The following OGA variants were observed in gnomAD, a reference collection of about 807,000 sequenced individuals.
OGA encodes the protein O-GlcNAcase, also known as protein O-GlcNAcase.
A neutral mutation model predicts 102.0 loss-of-function variants in OGA; 21 were observed. The observed-to-expected ratio is 0.21, with a 90% CI of 0.15 to 0.30. OGA has a LOEUF of 0.30. OGA is among the 10% of genes least tolerant of loss of function. The probability of loss-of-function intolerance (pLI) is 1.00; values close to 1 mark genes in which losing one functional copy is unlikely to be tolerated. For missense variants in OGA, 765 were observed against 1,107.8 expected, an observed-to-expected ratio of 0.69 and a Z score of 4.39; for synonymous variants, 408 against 378.2, an observed-to-expected ratio of 1.08 and a Z score of -0.91.
intron 1 of OGA, among the ~76,000 whole-genome samples, chr10:101,815,563 C>T (rs970488629): frequency 3.9e-5 from 6 of 151,992 alleles, no homozygotes; most frequent in African/African-American, 1.5e-4. Context: ...GGATTACAGG[C>T]GTGAGCCACC....
At chr10:101,788,563 C>T (rs1203737214) in intron 14 of OGA, among the ~76,000 whole-genome samples, 2 of 151,584 alleles carry the variant, frequency 1.3e-5, no homozygotes, top group African/African-American at 4.9e-5. Context: ...CGTGAAACCC[C>T]GTATCTAGTA....
chr10:101,806,634 T>C (rs1240449485), intron 5 of OGA, among the ~76,000 whole-genome samples: 2 of 152,246 alleles, frequency 1.3e-5, no homozygotes, highest in African/African-American at 4.8e-5. Flanking sequence ...ATTCTTACGA[T>C]ACTACAGTTA....
chr10:101,803,056 G>A (rs1432729483), intron 7 of OGA, among the ~76,000 whole-genome samples: 2 of 143,858 alleles, frequency 1.4e-5, no homozygotes, highest in East Asian at 2.1e-4. Flanking sequence ...CTGGAGAATC[G>A]CTTGAACCTG....
At chr10:101,794,456 G>A (rs2065293324) in intron 10 of OGA, among the ~76,000 whole-genome samples, 1 of 152,152 alleles carries the variant, frequency 6.6e-6, no homozygotes, top group Non-Finnish European at 1.5e-5. Context: ...GAAAAGGGCG[G>A]GGGAGAAGGA....
intron 1 of OGA, among the ~76,000 whole-genome samples, chr10:101,814,208 A>G (rs962500407): frequency 1.3e-5 from 2 of 152,188 alleles, no homozygotes; most frequent in African/African-American, 4.8e-5. Flanking sequence ...AAATGCCTGT[A>G]ATCCCAGCTA....
In OGA at chr10:101,787,755, A is replaced by ACG. The variant is rs1330564366; in HGVS notation, c.2455-234_2455-233dup. On this transcript the variant is annotated intron_variant, in intron 14 of 15. Transcript: ENST00000361464. ...GGGGCAGGCATTCTCCCTCGCGTGC[A>ACG]CGCGCTCTCTCTCTCTCTCTCTCTC... The ACG allele has an allele frequency of 4.1e-5, 17 of 416,196 alleles. No homozygotes were observed. In the East Asian group the frequency reaches 4.1e-4, roughly 10 times the overall value. 25.8% of individuals were successfully genotyped at this position (416,196 alleles called of 1,614,324 possible).
In OGA at chr10:101,793,919, C is replaced by T; in HGVS notation, c.2064G>A (p.Glu688=). ...PWAFRGGLAG[E]FQRLLPIDGA... is the part of the protein sequence containing the mutation. ...TGTGAATTCATATTGATACCTGGAA[C>T]TCTCCTGCTAGACCACCTCTAAAGG... The change falls in exon 11 of 16, where the codon GAG becomes GAA. Residue 688 remains glutamate, a synonymous_variant. Transcript: ENST00000361464. 2 of 1,605,634 alleles carry T rather than the reference C, an allele frequency of 1.2e-6. No individual in the cohort carries two copies. The highest frequency in any genetic ancestry group is 8.5e-7 in the Non-Finnish European group (1 of 1,172,558).
chr10:101,817,259 G>C lies in OGA; in HGVS notation c.199+565C>G, dbSNP rs117626890. ...GATTAAAGCCAAAGTTTCATCCCTC[G>C]AGAGCAAAGTACAGTAGCTGGGAAA... On this transcript the variant is annotated intron_variant, in intron 1 of 15. Coordinates refer to ENST00000361464, the MANE Select transcript of OGA (RefSeq NM_012215.5). Among the ~76,000 whole-genome samples the C allele has an allele frequency of 1.7e-4, 26 of 152,258 alleles. No homozygotes were observed. In the East Asian group the frequency reaches 4.8e-3, roughly 28 times the overall value.
chr10:101,794,125 A>G, intron 10 of OGA, 127 bp from the exon 11 acceptor site: 1 of 599,942 alleles, frequency 1.7e-6, no homozygotes, highest in Non-Finnish European at 3.0e-6. Flanking sequence ...TTTCAGGGCA[A>G]GGCTATGATA....
Position 101,785,127 on chromosome 10 carries a change from A to G in OGA, c.*1324T>C, listed in dbSNP as rs1419693332. On this transcript the variant is annotated 3_prime_UTR_variant, in exon 16 of 16. Transcript: ENST00000361464. The stretch of plus-strand genomic sequence containing the variant: ...TGATGCAAAACTACAGAGAAGCAAG[A>G]TAACAAAATACTGTTATCAATCTAT... The G allele has an allele frequency of 6.6e-6, 1 of 152,222 alleles. No individual in the cohort carries two copies. The highest frequency in any genetic ancestry group is 2.4e-5 in the African/African-American group (1 of 41,454). The allele number at this position is 152,222 out of a possible 1,614,324, so 9.4% of individuals were successfully genotyped here. A position where few individuals can be genotyped will look rare whatever the true frequency, so the allele number is the denominator to read the frequency against.
rs1242925616 is a variant in OGA, at chr10:101,791,544, C to T, written c.2176-105G>A. 4 of 750,794 alleles carry T rather than the reference C, an allele frequency of 5.3e-6. No individual in the cohort carries two copies. In the African/African-American group the frequency reaches 7.0e-5, roughly 13 times the overall value. 46.5% of individuals were successfully genotyped at this position (750,794 alleles called of 1,614,324 possible). ...GGGAGGGAGTAACAAAATGGCCTGT[C>T]AGAAACATCTATCAGAAATATCACC... is the stretch of plus-strand genomic sequence containing the variant. On this transcript the variant is annotated intron_variant, in intron 12 of 15. Coordinates refer to ENST00000361464, the MANE Select transcript of OGA (RefSeq NM_012215.5).
intron 3 of OGA, among the ~76,000 whole-genome samples, chr10:101,812,426 A>G (rs961500519): frequency 6.6e-6 from 1 of 152,054 alleles, no homozygotes; most frequent in Admixed American, 6.6e-5. Context: ...AAACAAAACA[A>G]AACAAAACCC....
At chr10:101,813,786 C>T (rs1342779664) in intron 1 of OGA, among the ~76,000 whole-genome samples, 180 bp from the exon 2 acceptor site, 1 of 152,202 alleles carries the variant, frequency 6.6e-6, no homozygotes, top group African/African-American at 2.4e-5. Flanking sequence ...GGTGACGTTA[C>T]AAGGTGACTT....
intron 1 of OGA, 129 bp from the exon 2 acceptor site, chr10:101,813,735 G>A: frequency 2.1e-6 from 1 of 473,470 alleles, no homozygotes; most frequent in Middle Eastern, 6.0e-4. Context: ...CAAATCGGAA[G>A]GATATTTAAT....
chr10:101,795,799 AT>A, intron 10 of OGA: 1 of 658,012 alleles, frequency 1.5e-6, no homozygotes, highest in South Asian at 6.8e-5. Flanking sequence ...ATGATAGTTG[AT>A]GAGCTTAAAA....
In OGA at chr10:101,785,152, T is replaced by C. The variant is rs1212171061; in HGVS notation, c.*1299A>G. 7 of 152,170 alleles carry C rather than the reference T, an allele frequency of 4.6e-5. No individual in the cohort carries two copies. The highest frequency in any genetic ancestry group is 2.1e-4 in the South Asian group (1 of 4,826). 9.4% of individuals were successfully genotyped at this position (152,170 alleles called of 1,614,324 possible). A position where few individuals can be genotyped will look rare whatever the true frequency, so the allele number is the denominator to read the frequency against. On this transcript the variant is annotated 3_prime_UTR_variant, in exon 16 of 16. Transcript: ENST00000361464. ...ATAACAAAATACTGTTATCAATCTATGGAGAAATCAGCCAGCCATGATGAA... is the reference window on the plus strand; with the variant it reads ...ATAACAAAATACTGTTATCAATCTACGGAGAAATCAGCCAGCCATGATGAA...
intron 1 of OGA, among the ~76,000 whole-genome samples, chr10:101,816,128 G>A (rs2065621651): frequency 1.3e-5 from 2 of 151,996 alleles, no homozygotes; most frequent in Non-Finnish European, 2.9e-5. Flanking sequence ...AAAATTAGCC[G>A]GGCCCGTGTC....
chr10:101,799,854 G>A (rs942021155), intron 8 of OGA, among the ~76,000 whole-genome samples: 5 of 152,020 alleles, frequency 3.3e-5, no homozygotes, highest in Non-Finnish European at 5.9e-5. Context: ...TTGCTTAGTG[G>A]GCATAAGGTA....
intron 3 of OGA, among the ~76,000 whole-genome samples, chr10:101,811,927 A>T (rs1266873847): frequency 1.3e-5 from 2 of 152,156 alleles, no homozygotes; most frequent in Non-Finnish European, 2.9e-5. Context: ...TATTGATCAC[A>T]TTAAGTTTCA....
Sources: gnomAD v4.1 joint callset for allele counts (sites outside exome capture counted in the v4.1 genomes callset) on GRCh38, gnomAD v4.1.1 for gene constraint, MANE v1.5 for transcripts, NCBI Gene and HGNC (gene_info 2026-07-23, HGNC 2026-07-21) for gene names.